Variants in CUL4A observed in about 807,000 individuals in gnomAD.
CUL4A encodes cullin 4A.
A neutral mutation model predicts 95.5 loss-of-function variants in CUL4A; 16 were observed. The ratio of observed to expected loss-of-function variants is 0.17; its 90% CI spans 0.11 to 0.25. The LOEUF is 0.25. CUL4A is among the 10% of genes least tolerant of loss of function. CUL4A has a pLI of 1.00. For missense variants in CUL4A, 610 were observed against 937.0 expected, an observed-to-expected ratio of 0.65 and a Z score of 4.56; for synonymous variants, 380 against 353.1, an observed-to-expected ratio of 1.08 and a Z score of -0.85.
chr13:113,220,078 T>C (rs1015032113), intron 3 of CUL4A, among the ~76,000 whole-genome samples: 27 of 152,226 alleles, frequency 1.8e-4, no homozygotes, highest in African/African-American at 6.0e-4. Flanking sequence ...GTTTGCTTAT[T>C]TCTAAGTGTT....
upstream of CUL4A, chr13:113,209,509 G>GCGGGGCGGGGCGGGGCACGCGGA: frequency 1.9e-6 from 1 of 533,676 alleles, no homozygotes; most frequent in Non-Finnish European, 2.4e-6. Context: ...GGGCACGCGG[G>GCGGGGCGGGGCGGGGCACGCGGA]CGGGGCGGGG....
upstream of CUL4A, chr13:113,208,712 G>T (rs553664236): frequency 5.3e-6 from 8 of 1,522,980 alleles, no homozygotes; most frequent in East Asian, 1.8e-4. Flanking sequence ...CCCTCGGTCC[G>T]TCTGGGTCCT....
intron 5 of CUL4A, among the ~76,000 whole-genome samples, chr13:113,231,153 G>C (rs2041296934): frequency 1.3e-5 from 2 of 152,128 alleles, no homozygotes; most frequent in Admixed American, 1.3e-4. Flanking sequence ...TAGAATAAAT[G>C]ATACCACCTC....
chr13:113,228,355 C>CT (rs2041183531), intron 4 of CUL4A, among the ~76,000 whole-genome samples: 1 of 152,220 alleles, frequency 6.6e-6, no homozygotes, highest in Non-Finnish European at 1.5e-5. Context: ...AATCCCAGGT[C>CT]TTTCCTGCAG....
chr13:113,262,302 G>A (rs980902974), intron 19 of CUL4A, among the ~76,000 whole-genome samples: 1 of 152,156 alleles, frequency 6.6e-6, no homozygotes, highest in Non-Finnish European at 1.5e-5. Context: ...GGAACACTGG[G>A]GATTGTAGTT....
At chr13:113,234,126 A>G in intron 7 of CUL4A, 140 bp downstream of exon 7, 1 of 572,392 alleles carries the variant, frequency 1.7e-6, no homozygotes, top group Non-Finnish European at 3.1e-6. Context: ...TCTTGCCAGA[A>G]TCCCCAGTAA....
intron 9 of CUL4A, among the ~76,000 whole-genome samples, chr13:113,237,224 G>A (rs560689452): frequency 3.3e-5 from 5 of 152,286 alleles, no homozygotes; most frequent in South Asian, 4.1e-4. Flanking sequence ...GTGTCCGGCC[G>A]TTCTTCATGC....
intron 19 of CUL4A, 99 bp from the exon 20 acceptor site, chr13:113,263,388 A>T (rs1183974870): frequency 2.3e-6 from 1 of 440,086 alleles, no homozygotes; most frequent in African/African-American, 2.0e-5. Context: ...ATATATTTCT[A>T]TAAGTATAGT....
chr13:113,237,547 C>A (rs538963625), intron 9 of CUL4A, among the ~76,000 whole-genome samples: 10 of 152,264 alleles, frequency 6.6e-5, no homozygotes, highest in African/African-American at 2.4e-4. Flanking sequence ...GCTGTTTTTT[C>A]TAGGCTTCAA....
chr13:113,252,475 G>GCCTGCAAGGAGAT lies in CUL4A; in HGVS notation c.1639-601_1639-600insAGGAGATCCTGCA, dbSNP rs374302188. ...GGATCACTTGCACCTGGGAGATCCA[G>GCCTGCAAGGAGAT]CCTGCAGTAAGCTAGGATCACACCA... On this transcript the variant is annotated intron_variant, in intron 15 of 19. Coordinates refer to ENST00000375440, the MANE Select transcript of CUL4A (RefSeq NM_001008895.4). 8.0e-3 allele frequency among the ~76,000 whole-genome samples: 1,216 copies of GCCTGCAAGGAGAT among 152,310 alleles called. 19 individuals are homozygous for GCCTGCAAGGAGAT. The highest frequency in any genetic ancestry group is 0.028 in the African/African-American group (1,177 of 41,552).
At chr13:113,231,988 A>T in intron 5 of CUL4A, among the ~76,000 whole-genome samples, 1 of 141,840 alleles carries the variant, frequency 7.1e-6, no homozygotes, top group Non-Finnish European at 1.5e-5. Context: ...TACCACCACC[A>T]CCCGCCTACC....
At chr13:113,221,877 G>T (rs2040911526) in intron 3 of CUL4A, among the ~76,000 whole-genome samples, 1 of 152,224 alleles carries the variant, frequency 6.6e-6, no homozygotes, top group African/African-American at 2.4e-5. Flanking sequence ...CGTCTGGCCT[G>T]TGATAAGGGT....
intron 3 of CUL4A, among the ~76,000 whole-genome samples, chr13:113,221,429 A>G (rs951046445): frequency 2.6e-5 from 4 of 152,216 alleles, no homozygotes; most frequent in African/African-American, 7.2e-5. Flanking sequence ...TGTGCTAGGT[A>G]TGATGCCAGG....
At chr13:113,240,634 C>T (rs1043070007) in intron 10 of CUL4A, among the ~76,000 whole-genome samples, 7 of 152,124 alleles carry the variant, frequency 4.6e-5, no homozygotes, top group African/African-American at 1.4e-4. Context: ...AGATACTTAA[C>T]GTGTTATTGC....
upstream of CUL4A, chr13:113,208,508 G>A (rs916084937): frequency 5.8e-6 from 9 of 1,552,748 alleles, no homozygotes; most frequent in Non-Finnish European, 7.8e-6. Flanking sequence ...AGGCGGGAAA[G>A]GAAAAGGCCT....
At chr13:113,257,857 TCTAA>T (rs1475729716) in intron 18 of CUL4A, among the ~76,000 whole-genome samples, 1 of 152,236 alleles carries the variant, frequency 6.6e-6, no homozygotes, top group Non-Finnish European at 1.5e-5. Flanking sequence ...CTGAAAACAG[TCTAA>T]CTGCCCCCAT....
At chr13:113,257,397 AT>A (rs1419102376) in intron 18 of CUL4A, among the ~76,000 whole-genome samples, 4 of 152,126 alleles carry the variant, frequency 2.6e-5, no homozygotes, top group Non-Finnish European at 5.9e-5. Flanking sequence ...AAACTGGGTA[AT>A]TTATAAAGAA....
intron 10 of CUL4A, among the ~76,000 whole-genome samples, chr13:113,239,799 C>A (rs1351444607): frequency 6.6e-6 from 1 of 152,226 alleles, no homozygotes; most frequent in Non-Finnish European, 1.5e-5. Context: ...ACTTAAAGAA[C>A]AACTGTTTTG....
At chr13:113,257,337 C>T (rs12876365) in intron 18 of CUL4A, among the ~76,000 whole-genome samples, 19,899 of 152,052 alleles carry the variant, frequency 0.13, 1,804 homozygotes, top group Middle Eastern at 0.3. Context: ...TCTGACTTAA[C>T]GTGTAATGCT....
Sources: allele counts gnomAD v4.1 joint callset (sites outside exome capture counted in the v4.1 genomes callset), GRCh38; gene constraint gnomAD v4.1.1; transcripts MANE v1.5; gene names NCBI Gene and HGNC (gene_info 2026-07-23, HGNC 2026-07-21).